SLC4A5: variants seen among roughly 807,000 people sequenced by gnomAD.
SLC4A5 encodes the protein solute carrier family 4 member 5.
Under a neutral mutation model 120.4 loss-of-function variants are expected in SLC4A5, and 96 were observed. That is an observed-to-expected ratio of 0.80 (90% confidence interval 0.68 to 0.94). The LOEUF (loss-of-function observed/expected upper bound fraction) is 0.94. Among genes scored for constraint, SLC4A5 ranks in the 40% least tolerant of loss-of-function variants. The probability of loss-of-function intolerance (pLI) is 0.00; values close to 1 mark genes in which losing one functional copy is unlikely to be tolerated. For missense variants in SLC4A5, 1,259 were observed against 1,459.5 expected (o/e 0.86, Z 2.24); for synonymous variants, 550 against 571.1 (o/e 0.96, Z 0.53).
intron 19 of SLC4A5, 38 bp from the exon 20 acceptor site, chr2:74,242,090 C>G (rs1488953241): frequency 6.3e-7 from 1 of 1,584,288 alleles, no homozygotes; most frequent in Non-Finnish European, 8.6e-7. Context: ...GGGTCAGCAG[C>G]TGTGGGGCTG....
chr2:74,334,316 T>C (rs1558919146), intron 3 of SLC4A5, 139 bp from the exon 4 acceptor site: 1 of 152,270 alleles, frequency 6.6e-6, no homozygotes, highest in African/African-American at 2.4e-5. Context: ...CTGTGGCCTA[T>C]GGACTCGGCT....
At chr2:74,341,004 A>T (rs1673610860) in intron 2 of SLC4A5, among the ~76,000 whole-genome samples, 1 of 152,208 alleles carries the variant, frequency 6.6e-6, no homozygotes, top group Non-Finnish European at 1.5e-5. Context: ...AGCTAGTCCC[A>T]CCGAATAAAT....
chr2:74,253,290 T>C (rs1412058908), intron 14 of SLC4A5, among the ~76,000 whole-genome samples, 162 bp from the exon 15 acceptor site: 2 of 152,194 alleles, frequency 1.3e-5, no homozygotes, highest in Non-Finnish European at 2.9e-5. Flanking sequence ...TGGTAAAATA[T>C]GGCACAATGG....
chr2:74,277,222 G>A (rs1158974732), intron 8 of SLC4A5, among the ~76,000 whole-genome samples: 1 of 152,208 alleles, frequency 6.6e-6, no homozygotes, highest in Non-Finnish European at 1.5e-5. Flanking sequence ...CAGAGATGGA[G>A]ATGCTGGGTG....
At chr2:74,300,744 A>G (rs901913022) in intron 7 of SLC4A5, among the ~76,000 whole-genome samples, 2 of 152,102 alleles carry the variant, frequency 1.3e-5, no homozygotes, top group African/African-American at 4.8e-5. Flanking sequence ...CAGGTGCAAG[A>G]TATTTTCTCC....
chr2:74,219,659 C>G (rs1694562371), intron 30 of SLC4A5, among the ~76,000 whole-genome samples: 1 of 152,142 alleles, frequency 6.6e-6, no homozygotes, highest in Non-Finnish European at 1.5e-5. Flanking sequence ...GTTTTGGAAA[C>G]CCCTAACCTG....
At chr2:74,290,542 A>C in intron 7 of SLC4A5, 1 of 984,886 alleles carries the variant, frequency 1.0e-6, no homozygotes, top group Non-Finnish European at 1.2e-6. Flanking sequence ...AAGATTATGC[A>C]AAAGTGTTTG....
intron 8 of SLC4A5, among the ~76,000 whole-genome samples, chr2:74,274,863 T>C (rs1671588937): frequency 6.6e-6 from 1 of 152,220 alleles, no homozygotes; most frequent in African/African-American, 2.4e-5. Flanking sequence ...AAAAAGTTGC[T>C]GAATATAGAA....
chr2:74,318,290 C>A (rs1673015297), intron 5 of SLC4A5, among the ~76,000 whole-genome samples: 1 of 152,058 alleles, frequency 6.6e-6, no homozygotes, highest in African/African-American at 2.4e-5. Flanking sequence ...ACATAAATGG[C>A]CAACAAACAT....
At chr2:74,278,396 G>T (rs1274960850) in intron 8 of SLC4A5, among the ~76,000 whole-genome samples, 1 of 152,182 alleles carries the variant, frequency 6.6e-6, no homozygotes, top group Non-Finnish European at 1.5e-5. Flanking sequence ...CTGCCTGGCT[G>T]TCCCCATGGG....
chr2:74,275,288 C>A (rs2104104603), intron 8 of SLC4A5, among the ~76,000 whole-genome samples: 1 of 152,308 alleles, frequency 6.6e-6, no homozygotes, highest in South Asian at 2.1e-4. Context: ...CACACCATGT[C>A]CTCATTCAGG....
chr2:74,290,090 A>ATGC (rs1023241094), intron 7 of SLC4A5, among the ~76,000 whole-genome samples: 4 of 152,156 alleles, frequency 2.6e-5, no homozygotes, highest in African/African-American at 7.2e-5. Context: ...AGAGGAGGGC[A>ATGC]TGCTACTCCT....
chr2:74,243,539 T>C (rs1191450369), intron 19 of SLC4A5, among the ~76,000 whole-genome samples: 5 of 152,198 alleles, frequency 3.3e-5, no homozygotes, highest in Non-Finnish European at 5.9e-5. Context: ...CTCACATCAG[T>C]GACCAAAAGA....
intron 29 of SLC4A5, among the ~76,000 whole-genome samples, chr2:74,222,656 G>C (rs1694691210): frequency 6.6e-6 from 1 of 152,210 alleles, no homozygotes. Context: ...ATCTGAGGTG[G>C]AACAGTCTCA....
intron 30 of SLC4A5, among the ~76,000 whole-genome samples, chr2:74,219,186 T>C (rs1046378360): frequency 9.2e-6 from 1 of 108,824 alleles, no homozygotes; most frequent in Non-Finnish European, 1.9e-5. Context: ...GGTGTGTGTG[T>C]GTGTGTGTGT....
intron 7 of SLC4A5, among the ~76,000 whole-genome samples, chr2:74,292,804 G>A (rs900636985): frequency 2.6e-5 from 4 of 152,142 alleles, no homozygotes; most frequent in African/African-American, 9.7e-5. Flanking sequence ...CGATCCTGGG[G>A]TCCTCAGCTC....
At chr2:74,233,613 G>C in intron 22 of SLC4A5, 50 bp from the exon 23 acceptor site, 1 of 1,543,226 alleles carries the variant, frequency 6.5e-7, no homozygotes, top group Non-Finnish European at 8.7e-7. Context: ...CCTTGTCCCA[G>C]GGCACTTGTC....
At chr2:74,284,793 G>A (rs766569100) in intron 8 of SLC4A5, among the ~76,000 whole-genome samples, 1 of 152,074 alleles carries the variant, frequency 6.6e-6, no homozygotes, top group African/African-American at 2.4e-5. Flanking sequence ...CGACTTCTCC[G>A]TGCGGCTCCC....
At chr2:74,342,336 G>A (rs1002635846) in intron 2 of SLC4A5, 122 bp downstream of exon 2, 2 of 152,258 alleles carry the variant, frequency 1.3e-5, no homozygotes, top group African/African-American at 4.8e-5. Context: ...CTTGACTGGA[G>A]AGGGTGTGGG....
Sources: allele counts gnomAD v4.1 joint callset (sites outside exome capture counted in the v4.1 genomes callset), GRCh38; gene constraint gnomAD v4.1.1; transcripts MANE v1.5; gene names NCBI Gene and HGNC (gene_info 2026-07-23, HGNC 2026-07-21).